FAM227B: variants seen among roughly 807,000 people sequenced by gnomAD.
The protein encoded by FAM227B is family with sequence similarity 227 member B, also known as protein FAM227B.
Under a neutral mutation model 73.8 loss-of-function variants are expected in FAM227B, and 88 were observed. That is an observed-to-expected ratio of 1.19 (90% CI 1.00 to 1.42). The LOEUF (loss-of-function observed/expected upper bound fraction) is 1.42. FAM227B is among the 40% of genes most tolerant of loss of function. The pLI, the probability that FAM227B is intolerant of heterozygous loss-of-function variation, is 0.00. For missense variants in FAM227B, 632 were observed against 590.9 expected, an observed-to-expected ratio of 1.07 and a Z score of -0.72; for synonymous variants, 210 against 190.5, an observed-to-expected ratio of 1.10 and a Z score of -0.84.
At chr15:49,509,457 T>A (rs144592685) in intron 10 of FAM227B, among the ~76,000 whole-genome samples, 20 of 152,256 alleles carry the variant, frequency 1.3e-4, no homozygotes, top group African/African-American at 4.1e-4. Context: ...TACCAAACTA[T>A]GTGCTTGACA....
chr15:49,395,823 T>A (rs565267295), intron 11 of FAM227B, among the ~76,000 whole-genome samples: 2 of 152,272 alleles, frequency 1.3e-5, no homozygotes, highest in South Asian at 4.1e-4. Context: ...GTATCGAAGT[T>A]TAAAGAGTTA....
intron 11 of FAM227B, chr15:49,424,129 G>A (rs1000099087): frequency 3.6e-6 from 2 of 555,372 alleles, no homozygotes; most frequent in Non-Finnish European, 6.3e-6. Context: ...ATCCTGTGTT[G>A]TTATCAGGAA....
At chr15:49,562,403 TC>T (rs1214883569) in intron 9 of FAM227B, among the ~76,000 whole-genome samples, 1 of 151,998 alleles carries the variant, frequency 6.6e-6, no homozygotes, top group Non-Finnish European at 1.5e-5. Flanking sequence ...CCAGATGGAT[TC>T]ATAGTAAAAT....
chr15:49,497,932 C>T (rs1347895411), intron 11 of FAM227B, among the ~76,000 whole-genome samples: 2 of 152,188 alleles, frequency 1.3e-5, no homozygotes, highest in South Asian at 2.1e-4. Flanking sequence ...TAGAGAAATT[C>T]GTACACGAAA....
chr15:49,387,901 A>G (rs1469680901), intron 11 of FAM227B, among the ~76,000 whole-genome samples: 3 of 151,836 alleles, frequency 2.0e-5, no homozygotes, highest in Admixed American at 2.0e-4. Flanking sequence ...AATAAATAAA[A>G]TACCTACGAA....
At chr15:49,351,241 A>G (rs2042201414) in intron 13 of FAM227B, among the ~76,000 whole-genome samples, 1 of 152,174 alleles carries the variant, frequency 6.6e-6, no homozygotes, top group South Asian at 2.1e-4. Flanking sequence ...TTCAGTTTCA[A>G]ATGTCTTCCA....
At chr15:49,612,674 T>A (rs1249217102) in intron 2 of FAM227B, among the ~76,000 whole-genome samples, 1 of 152,192 alleles carries the variant, frequency 6.6e-6, no homozygotes. Context: ...AATATCCTAA[T>A]ATCCATGATG....
chr15:49,492,799 C>A (rs931886285), intron 11 of FAM227B, among the ~76,000 whole-genome samples: 1 of 151,784 alleles, frequency 6.6e-6, no homozygotes, highest in African/African-American at 2.4e-5. Context: ...ATAACAATAG[C>A]AAATGTGGTT....
intron 9 of FAM227B, among the ~76,000 whole-genome samples, chr15:49,553,138 G>A (rs2073235610): frequency 6.6e-6 from 1 of 152,190 alleles, no homozygotes; most frequent in Non-Finnish European, 1.5e-5. Context: ...GAAAGAGCTT[G>A]GGTGTTGTGA....
At chr15:49,396,952 A>C (rs1273594336) in intron 11 of FAM227B, among the ~76,000 whole-genome samples, 1 of 152,252 alleles carries the variant, frequency 6.6e-6, no homozygotes, top group African/African-American at 2.4e-5. Flanking sequence ...CTCCTCCTTC[A>C]AAGGAACGCA....
intron 3 of FAM227B, among the ~76,000 whole-genome samples, chr15:49,605,631 G>A (rs565546577): frequency 6.6e-6 from 1 of 152,024 alleles, no homozygotes; most frequent in East Asian, 1.9e-4. Flanking sequence ...TGGGTCCATG[G>A]GCTGGCCTGG....
intron 11 of FAM227B, among the ~76,000 whole-genome samples, chr15:49,496,019 T>C (rs1001773986): frequency 6.6e-6 from 1 of 152,022 alleles, no homozygotes; most frequent in Non-Finnish European, 1.5e-5. Context: ...CGAGACTCTG[T>C]CTTGAAAAAT....
At chr15:49,470,181 A>C (rs1191544895) in intron 11 of FAM227B, among the ~76,000 whole-genome samples, 6 of 152,178 alleles carry the variant, frequency 3.9e-5, no homozygotes, top group African/African-American at 1.4e-4. Context: ...TTGTAAATTA[A>C]AGAGGAAGAC....
intron 11 of FAM227B, among the ~76,000 whole-genome samples, chr15:49,403,490 G>A (rs2048312384): frequency 6.6e-6 from 1 of 152,058 alleles, no homozygotes; most frequent in African/African-American, 2.4e-5. Flanking sequence ...TTCAGTCTTG[G>A]GAGTGTGTAT....
chr15:49,620,097 C>G (rs965697802), intron 1 of FAM227B: 2 of 152,158 alleles, frequency 1.3e-5, no homozygotes, highest in East Asian at 3.9e-4. Flanking sequence ...AGTTGAAAAA[C>G]ACTGTCCTAA....
intron 10 of FAM227B, among the ~76,000 whole-genome samples, chr15:49,539,436 C>T (rs896223078): frequency 6.6e-6 from 1 of 152,164 alleles, no homozygotes; most frequent in African/African-American, 2.4e-5. Flanking sequence ...TCAGTGCCCA[C>T]AAAATGGCCA....
intron 10 of FAM227B, among the ~76,000 whole-genome samples, chr15:49,532,446 TGAGA>T (rs1379132570): frequency 1.3e-5 from 2 of 151,818 alleles, no homozygotes; most frequent in East Asian, 1.9e-4. Context: ...TTAAAAAGAC[TGAGA>T]GAAAGTAATG....
chr15:49,594,058 G>A (rs2076747521), intron 3 of FAM227B, among the ~76,000 whole-genome samples: 1 of 152,102 alleles, frequency 6.6e-6, no homozygotes, highest in South Asian at 2.1e-4. Context: ...CAGAGTAAAA[G>A]TGTTCCATTT....
intron 11 of FAM227B, chr15:49,434,418 AGAGT>A (rs1246138572): frequency 6.6e-6 from 1 of 151,572 alleles, no homozygotes; most frequent in East Asian, 2.0e-4. Flanking sequence ...ACTCCAAGTC[AGAGT>A]GAGTAAGTTT....
Sources: allele counts gnomAD v4.1 joint callset (sites outside exome capture counted in the v4.1 genomes callset), GRCh38; gene constraint gnomAD v4.1.1; transcripts MANE v1.5; gene names NCBI Gene and HGNC (gene_info 2026-07-23, HGNC 2026-07-21).